Variants in PPP1R12C observed in about 807,000 individuals in gnomAD.
PPP1R12C encodes leukocyte receptor cluster (LRC) encoded novel gene 3.
A neutral mutation model predicts 95.6 loss-of-function variants in PPP1R12C; 48 were observed. The ratio of observed to expected loss-of-function variants is 0.50; its 90% CI spans 0.40 to 0.64. The LOEUF is 0.64. Among genes scored for constraint, PPP1R12C ranks in the 30% least tolerant of loss-of-function variants. The probability of loss-of-function intolerance (pLI) is 0.00; values close to 1 mark genes in which losing one functional copy is unlikely to be tolerated. For missense variants in PPP1R12C, 1,057 were observed against 1,083.3 expected, an observed-to-expected ratio of 0.98 and a Z score of 0.34; for synonymous variants, 480 against 460.8, an observed-to-expected ratio of 1.04 and a Z score of -0.53.
intron 6 of PPP1R12C, among the ~76,000 whole-genome samples, chr19:55,096,689 G>T (rs970880725): frequency 6.6e-6 from 1 of 152,002 alleles, no homozygotes; most frequent in Admixed American, 6.5e-5. Flanking sequence ...CAGCTGCCCC[G>T]GCTCCTGCAG....
At chr19:55,098,305 C>T (rs1325314256) in intron 6 of PPP1R12C, among the ~76,000 whole-genome samples, 1 of 152,220 alleles carries the variant, frequency 6.6e-6, no homozygotes, top group East Asian at 1.9e-4. Context: ...CTGAGACTCA[C>T]GGCAGATCCA....
Position 55,098,858 on chromosome 19 carries a change from C to A in PPP1R12C, c.877G>T (p.Gly293Trp). The A allele has an allele frequency of 6.2e-7, 1 of 1,613,322 alleles. No individual in the cohort carries two copies. The highest frequency in any genetic ancestry group is 8.5e-7 in the Non-Finnish European group (1 of 1,179,994). Residue 293 changes from glycine to tryptophan, a missense_variant and splice_region_variant, in exon 6 of 22, where the codon GGG becomes TGG. Physicochemically the swap from Gly to Trp is radical, Grantham distance 184. This residue lies in a region of PPP1R12C where 282 missense variants were observed against 380.4 expected (regional missense o/e 0.74). Coordinates refer to ENST00000263433, the MANE Select transcript of PPP1R12C (RefSeq NM_017607.4). Reference sequence around the variant, plus strand: ...TCGGCCAGGTCACAGGGACGCTGCCCCTGGGTCAGGGGAGGAGCAGGATCA... The same window carrying A: ...TCGGCCAGGTCACAGGGACGCTGCCACTGGGTCAGGGGAGGAGCAGGATCA... Reference protein sequence around the residue: ...GGGMDSLTHAGQRPCDLADEE... With the variant: ...GGGMDSLTHAWQRPCDLADEE...
chr19:55,094,695 T>C lies in PPP1R12C; in HGVS notation c.1558A>G (p.Thr520Ala). The C allele has an allele frequency of 6.2e-7, 1 of 1,608,060 alleles. No individual in the cohort carries two copies. The highest frequency in any genetic ancestry group is 1.1e-5 in the South Asian group (1 of 90,100). The change falls in exon 12 of 22, where the codon ACG becomes GCG. Residue 520 changes from threonine to alanine, a missense_variant. Thr to Ala is a moderately conservative substitution (Grantham distance 58). Transcript: ENST00000263433. The part of the protein sequence containing the change: ...PAKPNVPTAS[T>A]APPADSRDRR... The stretch of plus-strand genomic sequence containing the variant: ...TCCCGGGAGTCCGCTGGGGGCGCCG[T>C]GGAGGCTGTGGGGACGTTTGGCTTC...
chr19:55,091,230 T>C lies in PPP1R12C; in HGVS notation c.*242A>G. On this transcript the variant is annotated 3_prime_UTR_variant, in exon 22 of 22. Transcript: ENST00000263433. The stretch of plus-strand genomic sequence containing the variant: ...TCCTCAGTTCCTTCCTGGTCCCGTC[T>C]CTGGCCCTGGTCCCCTCTGGCAACG... 1.8e-6 allele frequency: 1 copy of C among 568,804 alleles called. No homozygotes were observed. Among genetic ancestry groups the C allele is most frequent in the Non-Finnish European group, 3.2e-6 (1 of 317,252 alleles). The allele number at this position is 568,804 out of a possible 1,614,324, so 35.2% of individuals were successfully genotyped here.
chr19:55,096,093 G>T lies in PPP1R12C; in HGVS notation c.1111C>A (p.Pro371Thr), dbSNP rs780500451. The T allele has an allele frequency of 1.5e-5, 24 of 1,599,132 alleles. No individual in the cohort carries two copies. The highest frequency in any genetic ancestry group is 3.5e-5 in the Admixed American group (2 of 56,830). ...CCCTCATCCTCGTCCTGGATGGGGG[G>T]CCCCCCAGCCCCACCAGGCCGGCGC... ...KERRPGGAGG[P>T]PIQDEDEGEE... Residue 371 changes from proline (P) to threonine (T), a missense_variant, in exon 8 of 22, where the codon CCC becomes ACC. Physicochemically the swap from Pro to Thr is conservative, Grantham distance 38. Around this residue, in one of 5 missense-constraint regions of PPP1R12C, gnomAD observed 356 missense variants for 330.5 expected, o/e 1.08. Coordinates refer to ENST00000263433, the MANE Select transcript of PPP1R12C (RefSeq NM_017607.4).
In PPP1R12C at chr19:55,103,393, G is replaced by A; in HGVS notation, c.731+16C>T. On this transcript the variant is annotated intron_variant, in intron 4 of 21. Transcript: ENST00000263433. ...AGGTATAAGACAGCAAGATGGAACA[G>A]ACTGGCCCAACTCACCTCATCACCT... 1 of 1,467,262 alleles carries A rather than the reference G, an allele frequency of 6.8e-7. No homozygotes were observed. Among genetic ancestry groups the A allele is most frequent in the Non-Finnish European group, 9.1e-7 (1 of 1,094,184 alleles). 90.9% of individuals were successfully genotyped at this position (1,467,262 alleles called of 1,614,324 possible).
intron 3 of PPP1R12C, among the ~76,000 whole-genome samples, chr19:55,104,199 T>TATATATATATATATATATATATACAC (rs34075382): frequency 8.3e-6 from 1 of 120,054 alleles, no homozygotes; most frequent in African/African-American, 3.7e-5. Context: ...TATATATATA[T>TATATATATATATATATATATATACAC]ACACACACAC....
At chr19:55,102,129 T>C (rs986921401) in intron 4 of PPP1R12C, among the ~76,000 whole-genome samples, 2 of 152,040 alleles carry the variant, frequency 1.3e-5, no homozygotes, top group Non-Finnish European at 2.9e-5. Flanking sequence ...ACAACTTTAA[T>C]AGAAAGGGGA....
chr19:55,095,681 G>A, intron 9 of PPP1R12C, 78 bp from the exon 10 acceptor site: 1 of 1,502,522 alleles, frequency 6.7e-7, no homozygotes, highest in Non-Finnish European at 9.0e-7. Flanking sequence ...CCAAAGGACT[G>A]CAACAAACTA....
At chr19:55,098,716 G>A in intron 6 of PPP1R12C, 68 bp downstream of exon 6, 1 of 1,590,318 alleles carries the variant, frequency 6.3e-7, no homozygotes, top group Non-Finnish European at 8.6e-7. Context: ...TTCCCCCTCT[G>A]CACCCTCCTC....
At chr19:55,095,128 C>T in intron 11 of PPP1R12C, 163 bp downstream of exon 11, 1 of 852,138 alleles carries the variant, frequency 1.2e-6, no homozygotes. Context: ...CAACACAGAC[C>T]TGAGGGAGGG....
chr19:55,097,965 G>A (rs115508980), intron 6 of PPP1R12C, among the ~76,000 whole-genome samples: 2,765 of 152,228 alleles, frequency 0.018, 86 homozygotes, highest in African/African-American at 0.062. Flanking sequence ...GGGCACCTCA[G>A]GGCACCCACA....
intron 4 of PPP1R12C, among the ~76,000 whole-genome samples, chr19:55,100,635 C>CA (rs1875738725): frequency 6.6e-6 from 1 of 152,226 alleles, no homozygotes; most frequent in Non-Finnish European, 1.5e-5. Flanking sequence ...TGTTTTGAGA[C>CA]GGAGTCTCAC....
chr19:55,098,708 C>CAA, intron 6 of PPP1R12C, 76 bp downstream of exon 6: 1 of 1,558,572 alleles, frequency 6.4e-7, no homozygotes, highest in Middle Eastern at 1.7e-4. Flanking sequence ...CGGGGGGGTT[C>CAA]CCCCTCTGCA....
chr19:55,101,704 C>T (rs2084981383), intron 4 of PPP1R12C, among the ~76,000 whole-genome samples: 1 of 152,122 alleles, frequency 6.6e-6, no homozygotes, highest in Admixed American at 6.6e-5. Flanking sequence ...ATCACTAGGC[C>T]CAACCATTTA....
intron 1 of PPP1R12C, among the ~76,000 whole-genome samples, chr19:55,116,707 C>T (rs1488792321): frequency 6.6e-6 from 1 of 152,078 alleles, no homozygotes; most frequent in Non-Finnish European, 1.5e-5. Context: ...CACTCGGGGG[C>T]GAGAGGAGGG....
intron 4 of PPP1R12C, among the ~76,000 whole-genome samples, chr19:55,101,535 G>A (rs2084979147): frequency 6.6e-6 from 1 of 152,198 alleles, no homozygotes; most frequent in Admixed American, 6.5e-5. Context: ...GGTGCCGCTT[G>A]CGGACTGCTC....
At chr19:55,113,668 C>G (rs2085122527) in intron 1 of PPP1R12C, 2 of 1,166,936 alleles carry the variant, frequency 1.7e-6, no homozygotes, top group Non-Finnish European at 2.2e-6. Context: ...AAGTCCCTCA[C>G]CTCTCCAAAG....
At chr19:55,096,214 C>G in intron 7 of PPP1R12C, 36 bp from the exon 8 acceptor site, 1 of 1,613,236 alleles carries the variant, frequency 6.2e-7, no homozygotes, top group Non-Finnish European at 8.5e-7. Context: ...GGTACAAGCC[C>G]GGGGCCTCCA....
Sources: allele counts gnomAD v4.1 joint callset (sites outside exome capture counted in the v4.1 genomes callset), GRCh38; gene constraint gnomAD v4.1.1; regional missense constraint gnomAD v4.1.1; transcripts MANE v1.5; gene names NCBI Gene and HGNC (gene_info 2026-07-23, HGNC 2026-07-21).